The following USH2A variants were observed in gnomAD, a reference collection of about 807,000 sequenced individuals.
USH2A encodes the protein usherin.
A neutral mutation model predicts 538.9 loss-of-function variants in USH2A; 443 were observed. That is an observed-to-expected ratio of 0.82 (90% CI 0.76 to 0.89). The LOEUF is 0.89. USH2A is among the 40% of genes least tolerant of loss of function. USH2A has a pLI of 0.00. For synonymous variants in USH2A, 2,413 were observed against 2,273.5 expected, an observed-to-expected ratio of 1.06 and a Z score of -1.75; for missense variants, 6,633 against 6,324.8, an observed-to-expected ratio of 1.05 and a Z score of -1.65.
At chr1:216,379,878 A>G (rs1032319674) in intron 3 of USH2A, among the ~76,000 whole-genome samples, 3 of 152,224 alleles carry the variant, frequency 2.0e-5, no homozygotes, top group African/African-American at 7.2e-5. Flanking sequence ...TATATATTTT[A>G]AAGGACAAGT....
At chr1:215,899,200 T>A (rs183223261) in intron 40 of USH2A, among the ~76,000 whole-genome samples, 40 of 152,332 alleles carry the variant, frequency 2.6e-4, no homozygotes, top group African/African-American at 9.6e-4. Flanking sequence ...ACTTTTGTGT[T>A]AATATCTAGG....
At chr1:215,679,874 C>T (rs1184725931) in intron 62 of USH2A, among the ~76,000 whole-genome samples, 2 of 152,086 alleles carry the variant, frequency 1.3e-5, no homozygotes, top group Non-Finnish European at 2.9e-5. Context: ...CCTGCATATG[C>T]CTCATGAGGT....
intron 67 of USH2A, among the ~76,000 whole-genome samples, chr1:215,645,707 T>C (rs908424521): frequency 2.0e-5 from 3 of 152,212 alleles, no homozygotes; most frequent in African/African-American, 4.8e-5. Flanking sequence ...ATTGGCATCA[T>C]ATTCAATGCC....
At chr1:216,312,032 C>A (rs1241980884) in intron 9 of USH2A, among the ~76,000 whole-genome samples, 7 of 151,868 alleles carry the variant, frequency 4.6e-5, no homozygotes, top group Non-Finnish European at 5.9e-5. Flanking sequence ...GTTTTCTGAC[C>A]TGTATCATTT....
In USH2A at chr1:215,674,798, T is replaced by G; in HGVS notation, c.13113A>C (p.Gln4371His). Residue 4371 changes from glutamine to histidine, a missense_variant, in exon 63 of 72, where the codon CAA becomes CAC. Gln to His is a conservative substitution (Grantham distance 24). Transcript: ENST00000307340. ...TGGGCGGTGACCAACATACATTCAT[T>G]TGAGTGGCACTGACGGCCCAAAGAT... ...PPDLWAVSATQMNVCWSPPTV... is the reference protein window; with the variant it reads ...PPDLWAVSATHMNVCWSPPTV... 4 of 1,614,124 alleles carry G rather than the reference T, an allele frequency of 2.5e-6. No individual in the cohort carries two copies. In the African/African-American group the frequency reaches 4.0e-5, roughly 16 times the overall value.
chr1:215,864,565 T>A (rs1337586403), intron 44 of USH2A, among the ~76,000 whole-genome samples: 2 of 152,156 alleles, frequency 1.3e-5, no homozygotes, highest in African/African-American at 4.8e-5. Flanking sequence ...TCCAGAAATG[T>A]GGGTATTGTT....
At chr1:215,809,037 A>G (rs1662581745) in intron 49 of USH2A, among the ~76,000 whole-genome samples, 1 of 152,164 alleles carries the variant, frequency 6.6e-6, no homozygotes, top group African/African-American at 2.4e-5. Context: ...TCTAAGAAAA[A>G]GGGAACTTAG....
intron 61 of USH2A, among the ~76,000 whole-genome samples, chr1:215,690,796 A>T (rs867315301): frequency 2.0e-5 from 3 of 152,064 alleles, no homozygotes; most frequent in South Asian, 2.1e-4. Flanking sequence ...TTCAAGATAC[A>T]TCCAGAATCC....
intron 30 of USH2A, among the ~76,000 whole-genome samples, chr1:216,067,205 G>C (rs1317609029): frequency 6.6e-6 from 1 of 152,120 alleles, no homozygotes; most frequent in Non-Finnish European, 1.5e-5. Flanking sequence ...AGTGGGAATT[G>C]AACAATGAGA....
intron 29 of USH2A, among the ~76,000 whole-genome samples, chr1:216,071,290 A>T (rs992379890): frequency 2.0e-5 from 3 of 152,216 alleles, no homozygotes; most frequent in Non-Finnish European, 4.4e-5. Context: ...CATAAAAGAT[A>T]AGAGGAAACA....
chr1:216,340,524 G>A (rs139899523), intron 4 of USH2A, among the ~76,000 whole-genome samples: 2 of 137,372 alleles, frequency 1.5e-5, no homozygotes, highest in Non-Finnish European at 3.1e-5. Flanking sequence ...AAAAAACCTG[G>A]CAGAGACATG....
At position 216,325,492 on chromosome 1, in the gene USH2A, C is replaced by T. The variant is rs121912599; in HGVS notation, c.956G>A (p.Cys319Tyr). 9.9e-6 allele frequency: 16 copies of T among 1,613,866 alleles called. No individual in the cohort carries two copies. The Admixed American group carries it at 2.7e-4, about 27-fold the overall frequency. The change falls in exon 6 of 72, where the codon TGC becomes TAC. Residue 319 changes from cysteine (C) to tyrosine (Y), a missense_variant. By Grantham distance (194) the Cys-to-Tyr change is radical. Coordinates refer to ENST00000307340, the MANE Select transcript of USH2A (RefSeq NM_206933.4). ...PRVHPLAQRY[C>Y]IPNDAGDTAD... The stretch of plus-strand genomic sequence containing the variant: ...TGTGTCTCCTGCATCATTAGGAATG[C>T]AGTACCGCTGTGCCAAAGGGTGGAC...
chr1:215,954,146 A>G (rs1571843118), intron 37 of USH2A, among the ~76,000 whole-genome samples: 1 of 152,034 alleles, frequency 6.6e-6, no homozygotes, highest in Non-Finnish European at 1.5e-5. Flanking sequence ...CATTGTGGAA[A>G]TCAGTGTGGC....
chr1:216,044,762 G>A (rs1409774929), intron 32 of USH2A, among the ~76,000 whole-genome samples: 1 of 152,088 alleles, frequency 6.6e-6, no homozygotes, highest in Non-Finnish European at 1.5e-5. Context: ...CAAAGCCTCC[G>A]ACTCAAGCTG....
intron 21 of USH2A, among the ~76,000 whole-genome samples, chr1:216,138,922 G>A (rs1053946338): frequency 2.7e-5 from 4 of 148,878 alleles, no homozygotes; most frequent in Non-Finnish European, 6.0e-5. Context: ...ATATTAATGT[G>A]TGTGTGTGTG....
intron 20 of USH2A, among the ~76,000 whole-genome samples, chr1:216,183,508 C>A (rs1021217113): frequency 6.6e-6 from 1 of 151,844 alleles, no homozygotes; most frequent in East Asian, 1.9e-4. Context: ...GGACAACCTA[C>A]GACTCACCAA....
At chr1:216,385,199 C>T (rs978585748) in intron 3 of USH2A, among the ~76,000 whole-genome samples, 1 of 152,170 alleles carries the variant, frequency 6.6e-6, no homozygotes, top group African/African-American at 2.4e-5. Context: ...AAAGCAATCC[C>T]TACATCTCTA....
At chr1:216,089,279 A>G (rs1244572464) in intron 22 of USH2A, 140 bp from the exon 23 acceptor site, 1 of 923,116 alleles carries the variant, frequency 1.1e-6, no homozygotes, top group Non-Finnish European at 1.7e-6. Context: ...ACAGAACTCA[A>G]AATTAAAGCT....
In USH2A at chr1:216,268,080, C is replaced by T. The variant is rs561808719; in HGVS notation, c.1972-16982G>A. 2.6e-5 allele frequency among the ~76,000 whole-genome samples: 4 copies of T among 152,112 alleles called. No homozygotes were observed. The East Asian group carries it at 5.8e-4, about 22-fold the overall frequency. ...TACTTCCTGTAGAAAAACTAACAGA[C>T]GTCTCTAACATAAAAGGGAAAGTAA... On this transcript the variant is annotated intron_variant, in intron 11 of 71. Transcript: ENST00000307340.
Sources: gnomAD v4.1 joint callset for allele counts (sites outside exome capture counted in the v4.1 genomes callset) on GRCh38, gnomAD v4.1.1 for gene constraint, MANE v1.5 for transcripts, NCBI Gene and HGNC (gene_info 2026-07-23, HGNC 2026-07-21) for gene names.